The following ADIPOR2 variants were observed in gnomAD, a reference collection of about 807,000 sequenced individuals.
ADIPOR2 encodes adiponectin receptor protein 2.
Under a neutral mutation model 40.9 loss-of-function variants are expected in ADIPOR2, and 18 were observed. The observed-to-expected ratio is 0.44, with a 90% CI of 0.30 to 0.65. The LOEUF is 0.65. ADIPOR2 is among the 30% of genes least tolerant of loss of function. ADIPOR2 has a pLI of 0.09. For synonymous variants in ADIPOR2, 165 were observed against 166.4 expected (o/e 0.99, Z 0.06); for missense variants, 283 against 479.2 (o/e 0.59, Z 3.82).
Position 1,711,634 on chromosome 12 carries a change from CTCTCTCTT to C in ADIPOR2, c.-87+20455_-87+20462del, listed in dbSNP as rs1459621173. Among the ~76,000 whole-genome samples, 80 of 79,142 alleles carry C rather than the reference CTCTCTCTT, an allele frequency of 1.0e-3. 1 individual carries two copies. The highest frequency in any genetic ancestry group is 1.6e-3 in the Non-Finnish European group (67 of 41,182). 51.9% of individuals were successfully genotyped at this position (79,142 alleles called of 152,430 possible). A position where few individuals can be genotyped will look rare whatever the true frequency, so the allele number is the denominator to read the frequency against. On this transcript the variant is annotated intron_variant, in intron 1 of 7. Transcript: ENST00000357103. ...TCTTCCTCTCTCTCTCTCTCTCTCT[CTCTCTCTT>C]TCTCTCTTTCTGACTTCTTTTCTGT... is the stretch of plus-strand genomic sequence containing the variant.
intron 2 of ADIPOR2, chr12:1,757,607 C>G: frequency 1.6e-6 from 2 of 1,239,054 alleles, no homozygotes; most frequent in Non-Finnish European, 2.4e-6. Context: ...TCATGAGTCA[C>G]CAGATGAGGG....
At position 1,786,717 on chromosome 12, in the gene ADIPOR2, GT is replaced by G. The variant is rs1862845369; in HGVS notation, c.*646del. 6.5e-6 allele frequency: 1 copy of G among 152,718 alleles called. No individual in the cohort carries two copies. Among genetic ancestry groups the G allele is most frequent in the Non-Finnish European group, 1.5e-5 (1 of 68,108 alleles). 9.5% of individuals were successfully genotyped at this position (152,718 alleles called of 1,614,324 possible). On this transcript the variant is annotated 3_prime_UTR_variant, in exon 8 of 8. Coordinates refer to ENST00000357103, the MANE Select transcript of ADIPOR2 (RefSeq NM_024551.3). ...TCAGGTGATAGCCCCGGAATGTACA[GT>G]GTCTTGGTGCACCAAGATGCCTTCT...
rs2094697000 is a variant in ADIPOR2, at chr12:1,721,110, A to T, written c.-87+29919A>T. Among the ~76,000 whole-genome samples the T allele has an allele frequency of 2.0e-5, 3 of 151,882 alleles. No individual in the cohort carries two copies. In the South Asian group the frequency reaches 6.2e-4, roughly 31 times the overall value. ...CTCAAGTCTCCCCGAAATGTATAAA[A>T]CTAAACTTTGCCCCGGCCACCTTGA... On this transcript the variant is annotated intron_variant, in intron 1 of 7. Coordinates refer to ENST00000357103, the MANE Select transcript of ADIPOR2 (RefSeq NM_024551.3).
At chr12:1,715,701 A>G (rs780498877) in intron 1 of ADIPOR2, among the ~76,000 whole-genome samples, 4 of 152,112 alleles carry the variant, frequency 2.6e-5, no homozygotes, top group Admixed American at 6.5e-5. Flanking sequence ...GGGGATTGAG[A>G]GGTGAAGCCA....
chr12:1,784,114 ATGAG>A (rs1862782882), intron 7 of ADIPOR2, 41 bp downstream of exon 7: 1 of 1,480,424 alleles, frequency 6.8e-7, no homozygotes, highest in Non-Finnish European at 9.0e-7. Flanking sequence ...GTATCTGCTC[ATGAG>A]TTATTGGCAT....
At position 1,777,859 on chromosome 12, in the gene ADIPOR2, G is replaced by A; in HGVS notation, c.297G>A (p.Trp99Ter). The change falls in exon 4 of 8, where the codon TGG (tryptophan) becomes TGA (stop). Residue 99 changes from tryptophan to a stop codon, truncating the protein, a stop_gained. Transcript: ENST00000357103. LOFTEE classifies it high-confidence loss of function. ...EKMEEFVCKV[W>*]EGRWRVIPHD... is the part of the protein sequence containing the mutation. ...TGATAATACCTCTCTGCCAGGTATG[G>A]GAAGGTCGGTGGCGAGTGATCCCTC... is the stretch of plus-strand genomic sequence containing the variant. 6.2e-7 allele frequency: 1 copy of A among 1,609,056 alleles called. No individual in the cohort carries two copies. Among genetic ancestry groups the A allele is most frequent in the Non-Finnish European group, 8.5e-7 (1 of 1,177,976 alleles).
At chr12:1,750,328 G>A (rs1338589436) in intron 1 of ADIPOR2, among the ~76,000 whole-genome samples, 1 of 151,550 alleles carries the variant, frequency 6.6e-6, no homozygotes, top group South Asian at 2.1e-4. Flanking sequence ...GGAGGCCAAC[G>A]TGAGAGGATC....
At position 1,698,776 on chromosome 12, in the gene ADIPOR2, G is replaced by A. The variant is rs533703257; in HGVS notation, c.-87+7585G>A. Among the ~76,000 whole-genome samples the A allele has an allele frequency of 2.0e-5, 3 of 151,996 alleles. No individual in the cohort carries two copies. In the East Asian group the frequency reaches 5.8e-4, roughly 29 times the overall value. On this transcript the variant is annotated intron_variant, in intron 1 of 7. Coordinates refer to ENST00000357103, the MANE Select transcript of ADIPOR2 (RefSeq NM_024551.3). ...GAAAACACATTTTTCATTTTGATGT[G>A]TGTTATCACATTGCCACCCAGAAAG...
chr12:1,707,994 T>G (rs1347605259), intron 1 of ADIPOR2, among the ~76,000 whole-genome samples: 2 of 152,126 alleles, frequency 1.3e-5, no homozygotes, highest in African/African-American at 4.8e-5. Flanking sequence ...GTCTGAGGGT[T>G]CCACATCCAC....
At chr12:1,735,010 G>C (rs1485344900) in intron 1 of ADIPOR2, among the ~76,000 whole-genome samples, 5 of 152,192 alleles carry the variant, frequency 3.3e-5, no homozygotes. Flanking sequence ...TTGTAGTACA[G>C]TTTGAAGTCA....
intron 1 of ADIPOR2, among the ~76,000 whole-genome samples, chr12:1,744,950 CATT>C (rs1361616193): frequency 2.0e-5 from 3 of 151,952 alleles, no homozygotes; most frequent in Non-Finnish European, 4.4e-5. Flanking sequence ...CTTTTTTTTG[CATT>C]ATTAATTAAA....
chr12:1,712,153 A>G (rs1294982726), intron 1 of ADIPOR2, among the ~76,000 whole-genome samples: 3 of 152,084 alleles, frequency 2.0e-5, no homozygotes, highest in Non-Finnish European at 4.4e-5. Context: ...TAAGGTCAGG[A>G]TTAGCTAAGG....
intron 2 of ADIPOR2, among the ~76,000 whole-genome samples, chr12:1,767,130 G>A (rs1862398163): frequency 6.6e-6 from 1 of 152,028 alleles, no homozygotes; most frequent in South Asian, 2.1e-4. Context: ...AATTAGCCGG[G>A]CGTGGTGGCA....
chr12:1,760,244 G>A (rs1467661671), intron 2 of ADIPOR2, among the ~76,000 whole-genome samples: 1 of 151,988 alleles, frequency 6.6e-6, no homozygotes, highest in Non-Finnish European at 1.5e-5. Flanking sequence ...AAGATTGTTA[G>A]GGAAATAAAG....
intron 2 of ADIPOR2, among the ~76,000 whole-genome samples, chr12:1,767,127 C>T (rs12582969): frequency 5.3e-5 from 8 of 151,930 alleles, no homozygotes; most frequent in Admixed American, 2.0e-4. Flanking sequence ...AATAATTAGC[C>T]GGGCGTGGTG....
chr12:1,783,809 G>A lies in ADIPOR2; in HGVS notation c.839-71G>A. 6 of 1,267,192 alleles carry A rather than the reference G, an allele frequency of 4.7e-6. No homozygotes were observed. In the East Asian group the frequency reaches 7.3e-5, roughly 15 times the overall value. 78.5% of individuals were successfully genotyped at this position (1,267,192 alleles called of 1,614,324 possible). ...TTCAGTTTACAGAGTTAATGGTGCT[G>A]TGCTGTAATACTGACTTCTGGCTCT... On this transcript the variant is annotated intron_variant, in intron 6 of 7. Transcript: ENST00000357103.
intron 1 of ADIPOR2, among the ~76,000 whole-genome samples, chr12:1,746,080 A>G (rs2094754387): frequency 6.6e-6 from 1 of 152,218 alleles, no homozygotes; most frequent in Non-Finnish European, 1.5e-5. Context: ...ATGATCTAAA[A>G]AATATGATCT....
At chr12:1,710,942 G>A (rs1413295166) in intron 1 of ADIPOR2, among the ~76,000 whole-genome samples, 2 of 152,150 alleles carry the variant, frequency 1.3e-5, no homozygotes, top group Non-Finnish European at 2.9e-5. Context: ...ATAGCAAGAT[G>A]GCTGTTACGG....
At position 1,717,298 on chromosome 12, in the gene ADIPOR2, C is replaced by T. The variant is rs71454837; in HGVS notation, c.-87+26107C>T. Among the ~76,000 whole-genome samples the T allele has an allele frequency of 5.3e-3, 808 of 152,224 alleles. 5 individuals are homozygous for T. Among genetic ancestry groups the T allele is most frequent in the Non-Finnish European group, 8.1e-3 (554 of 68,006 alleles). On this transcript the variant is annotated intron_variant, in intron 1 of 7. Coordinates refer to ENST00000357103, the MANE Select transcript of ADIPOR2 (RefSeq NM_024551.3). Reference sequence around the variant, plus strand: ...AGTCACTTCTTTATTTTCTAGGCTGCTCATATTAAGAGAAGTATTGCCTTT... The same window carrying T: ...AGTCACTTCTTTATTTTCTAGGCTGTTCATATTAAGAGAAGTATTGCCTTT...
Sources: gnomAD v4.1 joint callset for allele counts (sites outside exome capture counted in the v4.1 genomes callset) on GRCh38, gnomAD v4.1.1 for gene constraint, MANE v1.5 for transcripts, NCBI Gene and HGNC (gene_info 2026-07-23, HGNC 2026-07-21) for gene names.